Variants in RBFOX1 observed in about 807,000 individuals in gnomAD.
RBFOX1 encodes the protein RNA binding protein fox-1 homolog 1.
A neutral mutation model predicts 57.7 loss-of-function variants in RBFOX1; 8 were observed. That is an observed-to-expected ratio of 0.14 (90% CI 0.08 to 0.25). The LOEUF is 0.25. RBFOX1 is among the 10% of genes least tolerant of loss of function. The probability of loss-of-function intolerance (pLI) is 1.00; values close to 1 mark genes in which losing one functional copy is unlikely to be tolerated. For missense variants in RBFOX1, 611 were observed against 548.5 expected, an observed-to-expected ratio of 1.11 and a Z score of -1.14; for synonymous variants, 326 against 222.4, an observed-to-expected ratio of 1.47 and a Z score of -4.15.
intron 4 of RBFOX1, among the ~76,000 whole-genome samples, chr16:7,247,330 G>T (rs781179207): frequency 6.6e-6 from 1 of 152,162 alleles, no homozygotes; most frequent in Non-Finnish European, 1.5e-5. Flanking sequence ...CACACCCGCA[G>T]TGGAGGGGAC....
chr16:6,493,013 C>T (rs892264855), intron 2 of RBFOX1, among the ~76,000 whole-genome samples: 4 of 152,284 alleles, frequency 2.6e-5, no homozygotes, highest in East Asian at 3.9e-4. Context: ...TTTAAGATTA[C>T]ACCTTTATTC....
intron 4 of RBFOX1, among the ~76,000 whole-genome samples, chr16:7,320,937 A>G (rs2096533596): frequency 6.6e-6 from 1 of 152,204 alleles, no homozygotes; most frequent in South Asian, 2.1e-4. Flanking sequence ...TTCAGAGCCC[A>G]AATTTGGACC....
chr16:5,706,845 G>C (rs993500403), intron 3 of RBFOX1, among the ~76,000 whole-genome samples: 15 of 152,128 alleles, frequency 9.9e-5, no homozygotes, highest in East Asian at 1.9e-4. Context: ...AGAGGGCATG[G>C]CTTTTTTTTT....
At chr16:6,186,701 G>A (rs938315703) in intron 1 of RBFOX1, among the ~76,000 whole-genome samples, 1 of 152,164 alleles carries the variant, frequency 6.6e-6, no homozygotes, top group Non-Finnish European at 1.5e-5. Flanking sequence ...AAGCTCCATA[G>A]CAATGGGCAT....
rs182042591 is a variant in RBFOX1 at position 6,954,258 on chromosome 16, C to T, written c.-15-97799C>T. 2.2e-4 allele frequency among the ~76,000 whole-genome samples: 33 copies of T among 149,992 alleles called. No individual in the cohort carries two copies. In the East Asian group the frequency reaches 5.6e-3, roughly 26 times the overall value. ...ATTTTGAAGGTGCTATGTAATAAAT[C>T]AGGGTAGCGATTCTGGTCATCTCGC... is the stretch of plus-strand genomic sequence containing the variant. On this transcript the variant is annotated intron_variant, in intron 3 of 15. Transcript: ENST00000550418.
intron 2 of RBFOX1, among the ~76,000 whole-genome samples, chr16:6,392,925 T>A (rs1041032735): frequency 2.0e-5 from 3 of 152,210 alleles, no homozygotes; most frequent in African/African-American, 7.2e-5. Flanking sequence ...CCCACCCTCT[T>A]CTGCCATGAA....
chr16:5,373,064 CT>C (rs1422092769), intron 1 of RBFOX1, among the ~76,000 whole-genome samples: 2 of 152,206 alleles, frequency 1.3e-5, no homozygotes, highest in Non-Finnish European at 2.9e-5. Context: ...CTTCTCACTT[CT>C]GAAACTGGTG....
intron 3 of RBFOX1, among the ~76,000 whole-genome samples, chr16:5,827,347 C>T (rs1257102485): frequency 1.4e-5 from 2 of 146,924 alleles, no homozygotes; most frequent in Admixed American, 6.9e-5. Flanking sequence ...TTGCAGTGAG[C>T]CAAGATCGTG....
upstream of RBFOX1, among the ~76,000 whole-genome samples, chr16:6,018,510 G>A (rs2095014166): frequency 6.6e-6 from 1 of 152,178 alleles, no homozygotes; most frequent in African/African-American, 2.4e-5. Flanking sequence ...TCCATTGCGG[G>A]AGTAGGTGGC....
In RBFOX1 at chr16:7,131,535, A is replaced by C. The variant is rs1047705650; in HGVS notation, c.27+79437A>C. 2.0e-5 allele frequency among the ~76,000 whole-genome samples: 3 copies of C among 151,496 alleles called. No individual in the cohort carries two copies. In the South Asian group the frequency reaches 6.3e-4, roughly 32 times the overall value. ...GGATGGAATAAACTCACCATAATCA[A>C]CCTAGCTGGCAAGTGATTGGAACTG... On this transcript the variant is annotated intron_variant, in intron 4 of 15. Coordinates refer to ENST00000550418, the MANE Select transcript of RBFOX1 (RefSeq NM_018723.4).
chr16:6,018,888 C>T (rs1335021767), upstream of RBFOX1, among the ~76,000 whole-genome samples: 6 of 151,950 alleles, frequency 3.9e-5, no homozygotes, highest in Admixed American at 3.3e-4. Context: ...ACCCTCTGTC[C>T]CCTTTAGGCC....
intron 1 of RBFOX1, among the ~76,000 whole-genome samples, chr16:6,064,304 C>G (rs1323512972): frequency 6.6e-6 from 1 of 152,172 alleles, no homozygotes; most frequent in Non-Finnish European, 1.5e-5. Context: ...GTGGATCTCT[C>G]TAAATGAAGA....
chr16:6,488,940 C>A (rs1294752467), intron 2 of RBFOX1, among the ~76,000 whole-genome samples: 1 of 152,074 alleles, frequency 6.6e-6, no homozygotes, highest in African/African-American at 2.4e-5. Context: ...ATGTGTACTT[C>A]AATTATTAAA....
intron 1 of RBFOX1, among the ~76,000 whole-genome samples, chr16:5,263,072 C>CGGTGGT (rs758756491): frequency 2.8e-5 from 4 of 143,150 alleles, no homozygotes; most frequent in Non-Finnish European, 4.6e-5. Flanking sequence ...GGCAGGGTGA[C>CGGTGGT]GGTGGTGGTG....
chr16:7,559,639 A>AC (rs1363314314), intron 5 of RBFOX1, among the ~76,000 whole-genome samples: 9 of 152,186 alleles, frequency 5.9e-5, no homozygotes, highest in Admixed American at 3.9e-4. Flanking sequence ...TGTGCTTTCC[A>AC]AGGTGGATAT....
chr16:6,803,353 C>G (rs573734894), intron 3 of RBFOX1, among the ~76,000 whole-genome samples: 1 of 152,108 alleles, frequency 6.6e-6, no homozygotes, highest in Non-Finnish European at 1.5e-5. Flanking sequence ...AGTGTTGCCT[C>G]CAGCCGTACA....
chr16:6,359,504 C>G (rs1465482746), intron 2 of RBFOX1, among the ~76,000 whole-genome samples: 2 of 152,260 alleles, frequency 1.3e-5, no homozygotes, highest in East Asian at 1.9e-4. Flanking sequence ...GGAGCACATT[C>G]TCATAATGAA....
At chr16:6,984,576 A>C (rs2089795473) in intron 3 of RBFOX1, among the ~76,000 whole-genome samples, 1 of 152,176 alleles carries the variant, frequency 6.6e-6, no homozygotes, top group African/African-American at 2.4e-5. Flanking sequence ...TCACTGAATG[A>C]TGGCATATTT....
At chr16:7,194,889 C>T (rs2086298903) in intron 4 of RBFOX1, among the ~76,000 whole-genome samples, 1 of 146,860 alleles carries the variant, frequency 6.8e-6, no homozygotes, top group African/African-American at 2.6e-5. Context: ...GATTGTGCCA[C>T]TGCACTCCAG....
Sources: allele counts gnomAD v4.1 joint callset (sites outside exome capture counted in the v4.1 genomes callset), GRCh38; gene constraint gnomAD v4.1.1; transcripts MANE v1.5; gene names NCBI Gene and HGNC (gene_info 2026-07-23, HGNC 2026-07-21).